Variants in ATXN10 observed in about 807,000 individuals in gnomAD.
ATXN10 encodes the protein ataxin 10.
A neutral mutation model predicts 52.9 loss-of-function variants in ATXN10; 28 were observed. The ratio of observed to expected loss-of-function variants is 0.53; its 90% CI spans 0.39 to 0.73. ATXN10 has a LOEUF of 0.73. Ranked by LOEUF, ATXN10 falls within the 30% of genes least tolerant of loss-of-function variation. The pLI is 0.00. For missense variants in ATXN10, 565 were observed against 577.0 expected, an observed-to-expected ratio of 0.98 and a Z score of 0.21; for synonymous variants, 226 against 221.5, an observed-to-expected ratio of 1.02 and a Z score of -0.18.
At position 45,837,317 on chromosome 22, in the gene ATXN10, T is replaced by TGGCGCAATCTCGGCTCACTGCAGC. The variant is rs1405796889; in HGVS notation, c.1238-5673_1238-5650dup. ...CTCTGTCGCCCAGGCTGCAGTGCAG[T>TGGCGCAATCTCGGCTCACTGCAGC]GGCGCAATCTCGGCTCACTGCAGCC... On this transcript the variant is annotated intron_variant, in intron 10 of 11. Transcript: ENST00000252934. This position sits in a 1 kb window ranked among gnomAD's most constrained non-coding sequence, Gnocchi z 5.8. Among the ~76,000 whole-genome samples, 3 of 152,172 alleles carry TGGCGCAATCTCGGCTCACTGCAGC rather than the reference T, an allele frequency of 2.0e-5. No homozygotes were observed. Among genetic ancestry groups the TGGCGCAATCTCGGCTCACTGCAGC allele is most frequent in the Non-Finnish European group, 4.4e-5 (3 of 68,036 alleles).
chr22:45,776,928 T>C (rs1926980327), intron 9 of ATXN10, among the ~76,000 whole-genome samples: 2 of 152,090 alleles, frequency 1.3e-5, no homozygotes, highest in African/African-American at 4.8e-5. Context: ...CTATGCATCA[T>C]TTTTGCACAT....
intron 10 of ATXN10, among the ~76,000 whole-genome samples, chr22:45,811,376 G>A (rs1803714984): frequency 6.6e-6 from 1 of 152,056 alleles, no homozygotes; most frequent in Non-Finnish European, 1.5e-5. Context: ...TCTGAGATGT[G>A]TTTCTTGTAT....
At chr22:45,676,677 C>T (rs543466504) in intron 1 of ATXN10, 2 of 152,208 alleles carry the variant, frequency 1.3e-5, no homozygotes, top group South Asian at 2.1e-4. Context: ...CGGGGTTTCT[C>T]CACGTTGGTC....
chr22:45,842,843 A>T lies in ATXN10; in HGVS notation c.1238-148A>T. The stretch of plus-strand genomic sequence containing the variant: ...TTTAATGTGTTTGCACTTGAGATGC[A>T]TATTCAGAGAATGCATCCTCAAGAA... On this transcript the variant is annotated intron_variant, in intron 10 of 11. Transcript: ENST00000252934. This position sits in a 1 kb window ranked among gnomAD's most constrained non-coding sequence, Gnocchi z 4.8. The T allele has an allele frequency of 1.2e-6, 1 of 837,652 alleles. No homozygotes were observed. 51.9% of individuals were successfully genotyped at this position (837,652 alleles called of 1,614,324 possible).
intron 6 of ATXN10, among the ~76,000 whole-genome samples, chr22:45,721,606 T>C (rs548596840): frequency 6.6e-6 from 1 of 152,294 alleles, no homozygotes; most frequent in South Asian, 2.1e-4. Flanking sequence ...TTCCATGCTC[T>C]TACTACTATT....
rs759053501 is a variant in ATXN10, at chr22:45,738,804, T to G, written c.968T>G (p.Leu323Arg). ...MTVNTELLGY[L>R]QVFPGLLERV... is the part of the protein sequence containing the mutation. ...GTGAATACTGAGCTGCTCGGCTATC[T>G]GCAGGTTTTCCCTGGCTTGCTGGAA... Residue 323 changes from leucine (L) to arginine (R), a missense_variant, in exon 8 of 12, where the codon CTG becomes CGG. Transcript: ENST00000252934. 1 of 1,614,196 alleles carries G rather than the reference T, an allele frequency of 6.2e-7. No individual in the cohort carries two copies. The highest frequency in any genetic ancestry group is 1.1e-5 in the South Asian group (1 of 91,082).
intron 5 of ATXN10, among the ~76,000 whole-genome samples, chr22:45,716,211 G>C (rs1310589014): frequency 6.6e-6 from 1 of 152,134 alleles, no homozygotes; most frequent in African/African-American, 2.4e-5. Context: ...GGTGCAGTGA[G>C]CTATGATCGC....
intron 9 of ATXN10, among the ~76,000 whole-genome samples, chr22:45,800,529 A>C (rs1411654189): frequency 6.6e-6 from 1 of 151,996 alleles, no homozygotes; most frequent in East Asian, 1.9e-4. Context: ...TTGGAAAAAT[A>C]CTGTGGCAGT....
In ATXN10 at chr22:45,840,820, C is replaced by G. The variant is rs1269958685; in HGVS notation, c.1238-2171C>G. On this transcript the variant is annotated intron_variant, in intron 10 of 11. Coordinates refer to ENST00000252934, the MANE Select transcript of ATXN10 (RefSeq NM_013236.4). The surrounding 1 kb of genome is among the most constrained non-coding windows in gnomAD (Gnocchi z 5.8). ...ATTTAAGTGAATAACCAGGACGTTT[C>G]AGAAAGGAGTGTTATGCTTCTTTCA... Among the ~76,000 whole-genome samples the G allele has an allele frequency of 6.6e-6, 1 of 152,190 alleles. No individual in the cohort carries two copies. Among genetic ancestry groups the G allele is most frequent in the African/African-American group, 2.4e-5 (1 of 41,434 alleles).
intron 9 of ATXN10, among the ~76,000 whole-genome samples, chr22:45,758,193 C>T (rs138199): frequency 0.039 from 5,996 of 152,260 alleles, 353 homozygotes; most frequent in African/African-American, 0.13. Flanking sequence ...CCACACTGCT[C>T]GTGTCCCTCG....
At chr22:45,761,722 T>G (rs1263568035) in intron 9 of ATXN10, among the ~76,000 whole-genome samples, 1 of 152,230 alleles carries the variant, frequency 6.6e-6, no homozygotes, top group Non-Finnish European at 1.5e-5. Context: ...GCAGTTACAT[T>G]AAAATCTGTT....
At position 45,826,665 on chromosome 22, in the gene ATXN10, C is replaced by T. The variant is rs2146905538; in HGVS notation, c.1238-16326C>T. Among the ~76,000 whole-genome samples the T allele has an allele frequency of 6.6e-6, 1 of 152,316 alleles. No individual in the cohort carries two copies. The highest frequency in any genetic ancestry group is 6.5e-5 in the Admixed American group (1 of 15,304). ...AAGTGCAAAAAGAAAAAACTGTCAA[C>T]TAAGAATCGTTTGTCTGTCCAAACT... On this transcript the variant is annotated intron_variant, in intron 10 of 11. Coordinates refer to ENST00000252934, the MANE Select transcript of ATXN10 (RefSeq NM_013236.4). The surrounding 1 kb of genome is among the most constrained non-coding windows in gnomAD (Gnocchi z 5.0).
chr22:45,765,888 T>A (rs1300909822), intron 9 of ATXN10, among the ~76,000 whole-genome samples: 1 of 152,150 alleles, frequency 6.6e-6, no homozygotes, highest in East Asian at 1.9e-4. Flanking sequence ...GATTCTAAAT[T>A]TATTTAGATA....
intron 9 of ATXN10, among the ~76,000 whole-genome samples, chr22:45,801,601 C>A (rs1167451317): frequency 1.3e-5 from 2 of 152,190 alleles, no homozygotes; most frequent in East Asian, 3.9e-4. Context: ...CAAATCCAGA[C>A]ATACACCCAG....
intron 10 of ATXN10, among the ~76,000 whole-genome samples, chr22:45,811,100 G>A (rs1174394544): frequency 1.3e-5 from 2 of 152,188 alleles, no homozygotes; most frequent in East Asian, 3.9e-4. Flanking sequence ...TATCAGAGAG[G>A]TATTTTAAAA....
intron 9 of ATXN10, among the ~76,000 whole-genome samples, chr22:45,767,171 T>C (rs962771871): frequency 1.3e-5 from 2 of 152,192 alleles, no homozygotes; most frequent in Non-Finnish European, 2.9e-5. Flanking sequence ...TTATTTCTTA[T>C]TCCAAGGAGT....
intron 9 of ATXN10, among the ~76,000 whole-genome samples, chr22:45,751,765 AT>A (rs1569049654): frequency 4.2e-4 from 32 of 76,362 alleles, no homozygotes; most frequent in South Asian, 9.4e-4. Flanking sequence ...TAAAAAAAAA[AT>A]AATAATAATA....
chr22:45,739,926 A>T (rs1400198947), intron 8 of ATXN10, among the ~76,000 whole-genome samples: 1 of 152,160 alleles, frequency 6.6e-6, no homozygotes, highest in Admixed American at 6.5e-5. Context: ...GGCCAGTTGG[A>T]TGAGGGAAAA....
In ATXN10 at chr22:45,757,885, G is replaced by A. The variant is rs138198; in HGVS notation, c.1173+17347G>A. On this transcript the variant is annotated intron_variant, in intron 9 of 11. Coordinates refer to ENST00000252934, the MANE Select transcript of ATXN10 (RefSeq NM_013236.4). The surrounding 1 kb of genome is among the most constrained non-coding windows in gnomAD (Gnocchi z 4.6). ...TTCTCCAGTCATATTCGTTGAGCCT[G>A]TATTTATAAAATTGGCATTTATTGG... Among the ~76,000 whole-genome samples the A allele has an allele frequency of 0.86, 131,622 of 152,244 alleles. 57,264 individuals carry two copies. Among genetic ancestry groups the A allele is most frequent in the African/African-American group, 0.96 (39,954 of 41,556 alleles).
Sources: allele counts gnomAD v4.1 joint callset (sites outside exome capture counted in the v4.1 genomes callset), GRCh38; gene constraint gnomAD v4.1.1; non-coding constraint Gnocchi (gnomAD v3.1); transcripts MANE v1.5; gene names NCBI Gene and HGNC (gene_info 2026-07-23, HGNC 2026-07-21).